FETUB: variants seen among roughly 807,000 people sequenced by gnomAD.
The protein encoded by FETUB is fetuin-B.
FETUB carries 28 observed loss-of-function variants against 30.9 expected under a neutral mutation model. That is an observed-to-expected ratio of 0.90 (90% CI 0.67 to 1.24). FETUB has a LOEUF of 1.24. Among genes scored for constraint, FETUB ranks in the 50% most tolerant of loss-of-function variants. The pLI, the probability that FETUB is intolerant of heterozygous loss-of-function variation, is 0.00. For missense variants in FETUB, 469 were observed against 455.3 expected (o/e 1.03, Z -0.27); for synonymous variants, 186 against 175.9 (o/e 1.06, Z -0.45).
At chr3:186,639,447 A>AG (rs1716879210), upstream of FETUB, among the ~76,000 whole-genome samples, 1 of 152,146 alleles carries the variant, frequency 6.6e-6, no homozygotes, top group Non-Finnish European at 1.5e-5. Flanking sequence ...GGAGAGAGTT[A>AG]GGGGGTGGTT....
chr3:186,648,995 C>T (rs1717772795), intron 5 of FETUB, among the ~76,000 whole-genome samples: 1 of 152,224 alleles, frequency 6.6e-6, no homozygotes, highest in Non-Finnish European at 1.5e-5. Flanking sequence ...TTCCCAGCCT[C>T]TAGGGCTCAC....
In FETUB at chr3:186,652,831, C is replaced by A; in HGVS notation, c.*200C>A. On this transcript the variant is annotated 3_prime_UTR_variant, in exon 7 of 7. Coordinates refer to ENST00000265029, the MANE Select transcript of FETUB (RefSeq NM_014375.3). ...GGCTTGGGCTGCACTCTACCCTGTA[C>A]ACTGCCTTGTACCCTGAGCTGCATC... 1.7e-6 allele frequency: 1 copy of A among 581,452 alleles called. No homozygotes were observed. The highest frequency in any genetic ancestry group is 3.0e-6 in the Non-Finnish European group (1 of 338,608). 36.0% of individuals were successfully genotyped at this position (581,452 alleles called of 1,614,324 possible).
chr3:186,648,398 G>A (rs1717725833), intron 5 of FETUB, among the ~76,000 whole-genome samples: 1 of 152,184 alleles, frequency 6.6e-6, no homozygotes, highest in African/African-American at 2.4e-5. Context: ...ATATAACTTT[G>A]TAGTAAGTTT....
At chr3:186,640,392 G>C (rs905251098), upstream of FETUB, 13 of 1,247,302 alleles carry the variant, frequency 1.0e-5, no homozygotes, top group Non-Finnish European at 1.5e-5. Flanking sequence ...CTGCCTTAAA[G>C]AGCCTTACAA....
chr3:186,638,807 G>T (rs757107090), upstream of FETUB, among the ~76,000 whole-genome samples: 1 of 152,032 alleles, frequency 6.6e-6, no homozygotes, highest in African/African-American at 2.4e-5. Flanking sequence ...CTTTCTGTAC[G>T]TTGCTCAAGC....
intron 5 of FETUB, chr3:186,647,057 A>G (rs1028362870): frequency 6.6e-6 from 1 of 152,246 alleles, no homozygotes; most frequent in Non-Finnish European, 1.5e-5. Flanking sequence ...TTCTGTTTCT[A>G]TGGCTTTGCC....
rs1397579731 is a variant in FETUB, at chr3:186,640,614, A to G, written c.154A>G (p.Ile52Val). Residue 52 changes from isoleucine (I) to valine (V), a missense_variant, in exon 1 of 7, where the codon ATT becomes GTT. Physicochemically the swap from Ile to Val is conservative, Grantham distance 29. Coordinates refer to ENST00000265029, the MANE Select transcript of FETUB (RefSeq NM_014375.3). Reference protein sequence around the residue: ...LAVAGFALRDINKDRKDGYVL... With the variant: ...LAVAGFALRDVNKDRKDGYVL... ...AGTTGCAGGCTTTGCCCTGCGGGAT[A>G]TTAACAAAGACAGAAAGGATGGCTA... is the stretch of plus-strand genomic sequence containing the variant. 1.9e-6 allele frequency: 3 copies of G among 1,614,070 alleles called. No homozygotes were observed. The African/African-American group carries it at 4.0e-5, about 22-fold the overall frequency.
intron 2 of FETUB, 54 bp downstream of exon 2, chr3:186,641,194 C>T (rs1560019909): frequency 9.4e-7 from 1 of 1,063,202 alleles, no homozygotes; most frequent in Non-Finnish European, 1.4e-6. Flanking sequence ...CAAGTAGGTA[C>T]ACTCTTTCTA....
chr3:186,642,948 A>T (rs1381816752), intron 3 of FETUB, among the ~76,000 whole-genome samples: 1 of 152,138 alleles, frequency 6.6e-6, no homozygotes, highest in Non-Finnish European at 1.5e-5. Flanking sequence ...TGCAATTTCC[A>T]GTCTCTGTGT....
At chr3:186,640,380 G>A, upstream of FETUB, 4 of 1,092,948 alleles carry the variant, frequency 3.7e-6, no homozygotes, top group Non-Finnish European at 5.6e-6. Flanking sequence ...AACCGCTCAA[G>A]TCTGCCTTAA....
chr3:186,648,086 G>A (rs1273324148), intron 5 of FETUB, among the ~76,000 whole-genome samples: 1 of 152,070 alleles, frequency 6.6e-6, no homozygotes, highest in Non-Finnish European at 1.5e-5. Context: ...AGAATGATAT[G>A]TAGATCAATA....
intron 1 of FETUB, 133 bp downstream of exon 1, chr3:186,640,818 C>T (rs553043662): frequency 2.0e-5 from 16 of 784,802 alleles, no homozygotes; most frequent in Non-Finnish European, 3.3e-5. Context: ...TCTCTGTTCT[C>T]CTCTGCCAGG....
Position 186,642,278 on chromosome 3 carries a change from C to G in FETUB, c.337-193C>G, listed in dbSNP as rs116523232. 638 of 554,218 alleles carry G rather than the reference C, an allele frequency of 1.2e-3. 4 individuals carry two copies. Among genetic ancestry groups the G allele is most frequent in the African/African-American group, 0.011 (573 of 51,948 alleles). 34.3% of individuals were successfully genotyped at this position (554,218 alleles called of 1,614,324 possible). A position where few individuals can be genotyped will look rare whatever the true frequency, so the allele number is the denominator to read the frequency against. On this transcript the variant is annotated intron_variant, in intron 2 of 6. Coordinates refer to ENST00000265029, the MANE Select transcript of FETUB (RefSeq NM_014375.3). ...CACACGTGTTGGGGAGGCTTGGAAA[C>G]ATATTCTAGCTGTGTCCTAGGGAAA... is the stretch of plus-strand genomic sequence containing the variant.
At chr3:186,646,175 C>T (rs1560024092) in intron 4 of FETUB, 73 bp from the exon 5 acceptor site, 13 of 1,038,582 alleles carry the variant, frequency 1.3e-5, no homozygotes, top group South Asian at 5.4e-5. Context: ...GTAGATATAA[C>T]GCTGCCAAAC....
chr3:186,641,068 G>A lies in FETUB; in HGVS notation c.264G>A (p.Val88=). ...LGSLFYLTLD[V]LETDCHVLRK... ...CTCTGTTCTATCTTACACTGGATGT[G>A]CTAGAGACTGACTGCCATGTGCTCA... Residue 88 remains valine (V), a synonymous_variant, in exon 2 of 7, where the codon GTG becomes GTA. Coordinates refer to ENST00000265029, the MANE Select transcript of FETUB (RefSeq NM_014375.3). The A allele has an allele frequency of 1.2e-6, 2 of 1,613,960 alleles. No individual in the cohort carries two copies. The highest frequency in any genetic ancestry group is 1.7e-6 in the Non-Finnish European group (2 of 1,179,868).
chr3:186,651,291 T>C lies in FETUB; in HGVS notation c.770T>C (p.Phe257Ser). 1 of 1,606,264 alleles carries C rather than the reference T, an allele frequency of 6.2e-7. No individual in the cohort carries two copies. Among genetic ancestry groups the C allele is most frequent in the Middle Eastern group, 1.7e-4 (1 of 6,048 alleles). The change falls in exon 6 of 7, where the codon TTT becomes TCT. Residue 257 changes from phenylalanine (F) to serine (S), a missense_variant. Physicochemically the swap from Phe to Ser is radical, Grantham distance 155 (BLOSUM62 -2). Coordinates refer to ENST00000265029, the MANE Select transcript of FETUB (RefSeq NM_014375.3). ...EKFVSVTCDF[F>S]ESQAPATGSE... ...TTTGTCTCTGTGACTTGTGACTTCT[T>C]TGAATCACAGGTATTTTTCAATCTA...
At chr3:186,645,200 T>C (rs1717403139) in intron 4 of FETUB, among the ~76,000 whole-genome samples, 1 of 152,172 alleles carries the variant, frequency 6.6e-6, no homozygotes, top group Non-Finnish European at 1.5e-5. Flanking sequence ...GGATTATCCA[T>C]ACGTTCACCA....
At position 186,646,309 on chromosome 3, in the gene FETUB, C is replaced by T. The variant is rs1167682354; in HGVS notation, c.656C>T (p.Ser219Phe). ...YLIKESPCTK[S>F]QASSCSLQSS... is the part of the protein sequence containing the mutation. The stretch of plus-strand genomic sequence containing the variant: ...ATTAAAGAATCACCATGTACTAAAT[C>T]CCAGGCCAGCAGCTGTTCACTTCAG... Residue 219 changes from serine to phenylalanine, a missense_variant, in exon 5 of 7, where the codon TCC becomes TTC. Coordinates refer to ENST00000265029, the MANE Select transcript of FETUB (RefSeq NM_014375.3). 6.2e-7 allele frequency: 1 copy of T among 1,613,836 alleles called. No individual in the cohort carries two copies. The highest frequency in any genetic ancestry group is 8.5e-7 in the Non-Finnish European group (1 of 1,179,870).
chr3:186,640,584 C>T lies in FETUB; in HGVS notation c.124C>T (p.Leu42=). ...CCGGGGCTGCAATGACTCAGATGTG[C>T]TGGCAGTTGCAGGCTTTGCCCTGCG... ...LSRGCNDSDV[L]AVAGFALRDI... The change falls in exon 1 of 7, where the codon CTG becomes TTG. Residue 42 remains leucine (L), a synonymous_variant. Transcript: ENST00000265029. The T allele has an allele frequency of 6.2e-7, 1 of 1,613,194 alleles. No individual in the cohort carries two copies. The highest frequency in any genetic ancestry group is 8.5e-7 in the Non-Finnish European group (1 of 1,179,042).
Sources: allele counts gnomAD v4.1 joint callset (sites outside exome capture counted in the v4.1 genomes callset), GRCh38; gene constraint gnomAD v4.1.1; transcripts MANE v1.5; gene names NCBI Gene and HGNC (gene_info 2026-07-23, HGNC 2026-07-21).